The following MAP4 variants were observed in gnomAD, a reference collection of about 807,000 sequenced individuals.
MAP4 encodes the protein microtubule associated protein 4, also known as microtubule-associated protein 4.
A neutral mutation model predicts 170.2 loss-of-function variants in MAP4; 76 were observed. The ratio of observed to expected loss-of-function variants is 0.45; its 90% CI spans 0.37 to 0.54. MAP4 has a LOEUF of 0.54. Among genes scored for constraint, MAP4 ranks in the 20% least tolerant of loss-of-function variants. MAP4 has a pLI of 0.00. For synonymous variants in MAP4, 909 were observed against 994.5 expected (o/e 0.91, Z 1.62); for missense variants, 2,506 against 2,748.0 (o/e 0.91, Z 1.97).
intron 3 of MAP4, among the ~76,000 whole-genome samples, chr3:47,936,211 A>G (rs1289722993): frequency 6.6e-6 from 1 of 151,868 alleles, no homozygotes; most frequent in East Asian, 1.9e-4. Context: ...GAGGTGGTGG[A>G]TCACTTGAGG....
At chr3:47,922,920 C>T (rs1032142033) in intron 4 of MAP4, among the ~76,000 whole-genome samples, 7 of 151,966 alleles carry the variant, frequency 4.6e-5, no homozygotes, top group Admixed American at 2.0e-4. Context: ...CGTGGTGGCA[C>T]GTGCCTGTAG....
intron 1 of MAP4, chr3:48,088,762 G>A: frequency 6.5e-6 from 1 of 153,144 alleles, no homozygotes; most frequent in Non-Finnish European, 1.5e-5. Context: ...CCCGCCTGCG[G>A]CTGCACCTAC....
intron 2 of MAP4, among the ~76,000 whole-genome samples, chr3:47,996,701 T>C (rs2100095870): frequency 6.6e-6 from 1 of 150,790 alleles, no homozygotes; most frequent in Non-Finnish European, 1.5e-5. Flanking sequence ...AGCCTACTAT[T>C]TTACATGTGA....
intron 10 of MAP4, among the ~76,000 whole-genome samples, chr3:47,880,447 G>A (rs1228114857): frequency 6.9e-6 from 1 of 144,306 alleles, no homozygotes; most frequent in Non-Finnish European, 1.5e-5. Context: ...TTGTATACCT[G>A]AAATAATTCC....
chr3:48,036,349 A>C (rs2154526262), intron 1 of MAP4, among the ~76,000 whole-genome samples: 1 of 152,278 alleles, frequency 6.6e-6, no homozygotes, highest in East Asian at 1.9e-4. Flanking sequence ...AGCTCCCTTC[A>C]CCAACACCAC....
rs566929577 is a variant in MAP4 at position 47,968,186 on chromosome 3, C to T, written c.292+9679G>A. Among the ~76,000 whole-genome samples, 10 of 152,306 alleles carry T rather than the reference C, an allele frequency of 6.6e-5. No homozygotes were observed. The South Asian group carries it at 1.9e-3, about 28-fold the overall frequency. ...ATAATTGTTGGATACTGCAATACCT[C>T]ACTTTCACTAATGGATAGAACAACA... is the stretch of plus-strand genomic sequence containing the variant. On this transcript the variant is annotated intron_variant, in intron 3 of 20. Coordinates refer to ENST00000683076, the MANE Select transcript of MAP4 (RefSeq NM_001385682.1).
chr3:47,939,565 G>A (rs1344181630), intron 3 of MAP4, among the ~76,000 whole-genome samples: 1 of 151,800 alleles, frequency 6.6e-6, no homozygotes, highest in Non-Finnish European at 1.5e-5. Flanking sequence ...AAGAGCATAA[G>A]GTTGGTGACA....
In MAP4 at chr3:47,872,111, GA is replaced by G. The variant is rs2093506403; in HGVS notation, c.5758-12del. 1 of 1,600,508 alleles carries G rather than the reference GA, an allele frequency of 6.2e-7. No homozygotes were observed. The highest frequency in any genetic ancestry group is 8.5e-7 in the Non-Finnish European group (1 of 1,171,498). On this transcript the variant is annotated splice_polypyrimidine_tract_variant and intron_variant, in intron 12 of 20. Coordinates refer to ENST00000683076, the MANE Select transcript of MAP4 (RefSeq NM_001385682.1). ...TGCATCTGCAATGGGCTGGAAATAGGAAAGTGGGAATGAGGCCTGCAGGTCA... is the reference window on the plus strand; with the variant it reads ...TGCATCTGCAATGGGCTGGAAATAGGAAGTGGGAATGAGGCCTGCAGGTCA...
At chr3:47,879,725 T>C (rs1251257838) in intron 10 of MAP4, among the ~76,000 whole-genome samples, 2 of 152,162 alleles carry the variant, frequency 1.3e-5, no homozygotes, top group Non-Finnish European at 2.9e-5. Flanking sequence ...ACAGATTACC[T>C]GGCCTGGAGT....
At chr3:47,898,809 A>C (rs1172899957) in intron 10 of MAP4, among the ~76,000 whole-genome samples, 1 of 152,158 alleles carries the variant, frequency 6.6e-6, no homozygotes, top group East Asian at 1.9e-4. Flanking sequence ...AATGTTTTTT[A>C]GCCAGGTGTG....
intron 10 of MAP4, among the ~76,000 whole-genome samples, chr3:47,880,359 C>G (rs538497052): frequency 3.3e-5 from 5 of 149,786 alleles, no homozygotes; most frequent in Non-Finnish European, 5.9e-5. Context: ...CCACCTGCCT[C>G]GGCCTCCCAA....
chr3:48,005,017 T>C (rs1188864880), intron 1 of MAP4, among the ~76,000 whole-genome samples: 1 of 152,136 alleles, frequency 6.6e-6, no homozygotes, highest in Non-Finnish European at 1.5e-5. Context: ...CACAGGTCCC[T>C]AGAGGTGAGG....
intron 3 of MAP4, among the ~76,000 whole-genome samples, chr3:47,968,171 G>A (rs1222448223): frequency 6.6e-6 from 1 of 152,178 alleles, no homozygotes; most frequent in Non-Finnish European, 1.5e-5. Flanking sequence ...ATAATTGTTG[G>A]ATACTGCAAT....
At chr3:47,891,096 C>A in intron 10 of MAP4, 1 of 1,535,590 alleles carries the variant, frequency 6.5e-7, no homozygotes. Flanking sequence ...TCTTTCTTCC[C>A]TGCCAGAGCC....
intron 3 of MAP4, among the ~76,000 whole-genome samples, chr3:47,961,283 C>T (rs528187524): frequency 6.6e-6 from 1 of 152,188 alleles, no homozygotes; most frequent in African/African-American, 2.4e-5. Flanking sequence ...CGGAGGATTG[C>T]TTGAGCTCAG....
intron 2 of MAP4, among the ~76,000 whole-genome samples, chr3:47,997,314 T>A (rs1426737991): frequency 1.9e-5 from 1 of 53,556 alleles, no homozygotes. Flanking sequence ...AAACACAACA[T>A]ATTTAAACTG....
chr3:47,944,038 G>A (rs1206887055), intron 3 of MAP4, among the ~76,000 whole-genome samples: 3 of 152,074 alleles, frequency 2.0e-5, no homozygotes, highest in African/African-American at 4.8e-5. Flanking sequence ...CTGGCAAGGC[G>A]TGGTGGCTCA....
chr3:48,035,150 A>G (rs1300138134), intron 1 of MAP4, among the ~76,000 whole-genome samples: 1 of 151,158 alleles, frequency 6.6e-6, no homozygotes, highest in Non-Finnish European at 1.5e-5. Flanking sequence ...ACTTCATATT[A>G]CAGTCCAAAC....
chr3:48,081,576 A>C (rs982309348), intron 1 of MAP4, among the ~76,000 whole-genome samples: 1 of 152,152 alleles, frequency 6.6e-6, no homozygotes, highest in East Asian at 1.9e-4. Context: ...AAATCAGCCA[A>C]ATTTCTCACT....
Sources: allele counts gnomAD v4.1 joint callset (sites outside exome capture counted in the v4.1 genomes callset), GRCh38; gene constraint gnomAD v4.1.1; transcripts MANE v1.5; gene names NCBI Gene and HGNC (gene_info 2026-07-23, HGNC 2026-07-21).